Variants in SCAPER observed in about 807,000 individuals in gnomAD.
The protein encoded by SCAPER is S-phase cyclin A associated protein in the ER, also known as S phase cyclin A-associated protein in the endoplasmic reticulum.
A neutral mutation model predicts 182.2 loss-of-function variants in SCAPER; 98 were observed. That is an observed-to-expected ratio of 0.54 (90% CI 0.46 to 0.64). The LOEUF is 0.64. Among genes scored for constraint, SCAPER ranks in the 30% least tolerant of loss-of-function variants. SCAPER has a pLI of 0.00. For synonymous variants in SCAPER, 605 were observed against 564.6 expected, an observed-to-expected ratio of 1.07 and a Z score of -1.01; for missense variants, 1,432 against 1,690.0, an observed-to-expected ratio of 0.85 and a Z score of 2.68.
At chr15:76,501,100 A>G (rs1264310888) in intron 24 of SCAPER, among the ~76,000 whole-genome samples, 1 of 152,096 alleles carries the variant, frequency 6.6e-6, no homozygotes, top group African/African-American at 2.4e-5. Flanking sequence ...AGGAGATACA[A>G]ACTGCCTTGT....
Position 76,841,815 on chromosome 15 carries a change from T to G in SCAPER, c.312A>C (p.Ala104=). ...CTCGGCGAAGATTATCAAAAAGAAA[T>G]GCCCAGTATCGAGCTCTTAGATCAA... ...RKIDLRARYW[A]FLFDNLRRAV... Residue 104 remains alanine, a synonymous_variant, in exon 5 of 32, where the codon GCA becomes GCC. Coordinates refer to ENST00000563290, the MANE Select transcript of SCAPER (RefSeq NM_020843.4). 1 of 1,613,936 alleles carries G rather than the reference T, an allele frequency of 6.2e-7. No homozygotes were observed. The highest frequency in any genetic ancestry group is 1.7e-4 in the Middle Eastern group (1 of 6,060).
At chr15:76,778,938 G>T (rs1370445667) in intron 8 of SCAPER, among the ~76,000 whole-genome samples, 1 of 151,934 alleles carries the variant, frequency 6.6e-6, no homozygotes, top group East Asian at 1.9e-4. Flanking sequence ...TAATAAATCA[G>T]GAGAGGGTAA....
At chr15:76,717,781 G>C (rs942454426) in intron 17 of SCAPER, among the ~76,000 whole-genome samples, 1 of 152,006 alleles carries the variant, frequency 6.6e-6, no homozygotes, top group East Asian at 1.9e-4. Context: ...TAACATTGGA[G>C]CACTAAAACT....
intron 31 of SCAPER, chr15:76,350,854 G>T (rs1443670792): frequency 6.3e-6 from 1 of 158,676 alleles, no homozygotes; most frequent in African/African-American, 2.4e-5. Context: ...TTCTGAACAT[G>T]GATAAGGAAC....
At chr15:76,737,637 T>C (rs1447272566) in intron 15 of SCAPER, among the ~76,000 whole-genome samples, 1 of 152,236 alleles carries the variant, frequency 6.6e-6, no homozygotes, top group Non-Finnish European at 1.5e-5. Flanking sequence ...AGCTCTGAAT[T>C]CTCTATAGCT....
intron 16 of SCAPER, among the ~76,000 whole-genome samples, chr15:76,731,169 C>G (rs548156678): frequency 1.3e-5 from 2 of 152,158 alleles, no homozygotes; most frequent in African/African-American, 4.8e-5. Context: ...TATATAGCCA[C>G]AAGGAAAGAA....
intron 10 of SCAPER, among the ~76,000 whole-genome samples, chr15:76,769,539 T>C (rs60702982): frequency 0.27 from 40,475 of 151,726 alleles, 6,297 homozygotes; most frequent in East Asian, 0.55. Context: ...AAGAAGACAT[T>C]TGTGCAGCCA....
chr15:76,539,581 G>A (rs963363977), intron 23 of SCAPER, among the ~76,000 whole-genome samples: 3 of 117,322 alleles, frequency 2.6e-5, no homozygotes, highest in Middle Eastern at 9.3e-3. Flanking sequence ...GAGTCTCACT[G>A]TCTCCCAGGC....
At chr15:76,432,096 C>A (rs1209582568) in intron 26 of SCAPER, among the ~76,000 whole-genome samples, 3 of 152,230 alleles carry the variant, frequency 2.0e-5, no homozygotes, top group Non-Finnish European at 2.9e-5. Context: ...ACAGCTAAGG[C>A]ATGTGGCTAA....
intron 23 of SCAPER, among the ~76,000 whole-genome samples, chr15:76,544,025 T>G (rs2045024298): frequency 6.6e-6 from 1 of 152,096 alleles, no homozygotes; most frequent in Non-Finnish European, 1.5e-5. Context: ...GGGTAAAATA[T>G]TTGAATATAT....
At chr15:76,677,942 A>G (rs915110567) in intron 20 of SCAPER, among the ~76,000 whole-genome samples, 1 of 152,068 alleles carries the variant, frequency 6.6e-6, no homozygotes, top group Non-Finnish European at 1.5e-5. Flanking sequence ...GGCAGGAAAT[A>G]TAAATGACAC....
intron 23 of SCAPER, among the ~76,000 whole-genome samples, chr15:76,537,870 G>A (rs898991873): frequency 3.9e-4 from 59 of 151,854 alleles, no homozygotes; most frequent in Non-Finnish European, 7.2e-4. Flanking sequence ...ACAAATTTAC[G>A]AGAAAAAAAA....
At chr15:76,743,516 A>G (rs776672847) in intron 15 of SCAPER, among the ~76,000 whole-genome samples, 1 of 152,148 alleles carries the variant, frequency 6.6e-6, no homozygotes, top group Non-Finnish European at 1.5e-5. Flanking sequence ...ATGCCCAGGA[A>G]AACAGTCAAA....
intron 26 of SCAPER, among the ~76,000 whole-genome samples, chr15:76,407,684 GT>G (rs1327290753): frequency 6.6e-6 from 1 of 152,062 alleles, no homozygotes; most frequent in Non-Finnish European, 1.5e-5. Context: ...TTCCTTTCAT[GT>G]TTTTCTATTT....
chr15:76,509,082 T>C (rs1192013815), intron 23 of SCAPER, among the ~76,000 whole-genome samples: 1 of 152,154 alleles, frequency 6.6e-6, no homozygotes, highest in Admixed American at 6.5e-5. Context: ...CTTTCTTATA[T>C]GTAAAACAAA....
At chr15:76,467,357 G>C (rs933812736) in intron 25 of SCAPER, among the ~76,000 whole-genome samples, 1 of 151,956 alleles carries the variant, frequency 6.6e-6, no homozygotes, top group Non-Finnish European at 1.5e-5. Context: ...AATCTCTCAG[G>C]CAGCCTTCCA....
intron 1 of SCAPER, among the ~76,000 whole-genome samples, 169 bp from the exon 2 acceptor site, chr15:76,884,045 G>C (rs1483524398): frequency 6.6e-6 from 1 of 152,076 alleles, no homozygotes; most frequent in African/African-American, 2.4e-5. Context: ...AATATTCCAT[G>C]CTGAACAAGA....
At chr15:76,813,815 G>C (rs1198335098) in intron 5 of SCAPER, among the ~76,000 whole-genome samples, 1 of 152,156 alleles carries the variant, frequency 6.6e-6, no homozygotes, top group Non-Finnish European at 1.5e-5. Context: ...AACTGAAGCA[G>C]ATGCAAATAA....
At chr15:76,537,828 G>A (rs2144680276) in intron 23 of SCAPER, among the ~76,000 whole-genome samples, 1 of 152,234 alleles carries the variant, frequency 6.6e-6, no homozygotes, top group Middle Eastern at 3.4e-3. Flanking sequence ...ATCTGACAAA[G>A]GGCTAATATC....
Sources: gnomAD v4.1 joint callset for allele counts (sites outside exome capture counted in the v4.1 genomes callset) on GRCh38, gnomAD v4.1.1 for gene constraint, MANE v1.5 for transcripts, NCBI Gene and HGNC (gene_info 2026-07-23, HGNC 2026-07-21) for gene names.